The following CA1 variants were observed in gnomAD, a reference collection of about 807,000 sequenced individuals.
The protein encoded by CA1 is carbonic anhydrase 1, also known as carbonate dehydratase I.
Under a neutral mutation model 28.8 loss-of-function variants are expected in CA1, and 27 were observed. The observed-to-expected ratio is 0.94, with a 90% CI of 0.69 to 1.29. The LOEUF (loss-of-function observed/expected upper bound fraction) is 1.29, where lower values mean the gene tolerates loss of function less well. Among genes scored for constraint, CA1 ranks in the 50% most tolerant of loss-of-function variants. The pLI is 0.00. For synonymous variants in CA1, 121 were observed against 108.8 expected (o/e 1.11, Z -0.70); for missense variants, 335 against 310.5 (o/e 1.08, Z -0.59).
intron 1 of CA1, among the ~76,000 whole-genome samples, chr8:85,358,367 GT>G (rs1247956557): frequency 6.6e-6 from 1 of 152,058 alleles, no homozygotes; most frequent in Non-Finnish European, 1.5e-5. Context: ...CATTATCCCA[GT>G]TTATTTTTTC....
chr8:85,338,601 A>T, intron 2 of CA1, 152 bp from the exon 3 acceptor site: 1 of 671,952 alleles, frequency 1.5e-6, no homozygotes, highest in Non-Finnish European at 2.7e-6. Context: ...CTGTGTTTGA[A>T]GATGTCCCTT....
intron 1 of CA1, among the ~76,000 whole-genome samples, chr8:85,362,703 C>T (rs72682934): frequency 0.027 from 4,043 of 152,026 alleles, 81 homozygotes; most frequent in Non-Finnish European, 0.04. Flanking sequence ...ATACAATGTA[C>T]GAATAGTTTC....
chr8:85,373,225 G>A (rs1439808352), intron 1 of CA1, among the ~76,000 whole-genome samples: 1 of 152,206 alleles, frequency 6.6e-6, no homozygotes, highest in Non-Finnish European at 1.5e-5. Flanking sequence ...CATTAAATGG[G>A]TGGGTGGAAG....
At chr8:85,374,405 CTTA>C (rs1212035490) in intron 1 of CA1, among the ~76,000 whole-genome samples, 2 of 152,042 alleles carry the variant, frequency 1.3e-5, no homozygotes, top group African/African-American at 2.4e-5. Flanking sequence ...TTTGTTTGTT[CTTA>C]TTAATACTGG....
chr8:85,356,265 A>AT, intron 1 of CA1, among the ~76,000 whole-genome samples: 1 of 152,304 alleles, frequency 6.6e-6, no homozygotes, highest in East Asian at 1.9e-4. Context: ...TATCAGCCTC[A>AT]TTGAGCTTCA....
chr8:85,341,884 A>C, intron 1 of CA1: 1 of 412,132 alleles, frequency 2.4e-6, no homozygotes, highest in Non-Finnish European at 4.3e-6. Flanking sequence ...ATATTGTAAA[A>C]GAGAATTATC....
intron 1 of CA1, among the ~76,000 whole-genome samples, chr8:85,356,051 G>A (rs1235932258): frequency 6.6e-6 from 1 of 152,168 alleles, no homozygotes; most frequent in Non-Finnish European, 1.5e-5. Context: ...CCATGTCAGG[G>A]TGGCAGTGTT....
chr8:85,352,927 C>G (rs1361827384), intron 1 of CA1, among the ~76,000 whole-genome samples: 4 of 152,122 alleles, frequency 2.6e-5, no homozygotes, highest in Admixed American at 2.6e-4. Context: ...TTACACCATC[C>G]TATTCCATGA....
At chr8:85,372,847 C>T (rs1038085484) in intron 1 of CA1, among the ~76,000 whole-genome samples, 3 of 152,152 alleles carry the variant, frequency 2.0e-5, no homozygotes, top group African/African-American at 7.2e-5. Context: ...CTGCCCTCCC[C>T]TTAGTCACTT....
rs1309407588 is a variant in CA1 at position 85,329,682 on chromosome 8, A to ACTCT, written c.669+3_669+6dup. On this transcript the variant is annotated splice_region_variant and intron_variant, in intron 7 of 7. Transcript: ENST00000523022. ...CATTCCCAGTTCCCATTCATTCACA[A>ACTCT]CTCTACCTGCTCTGAGCTGACACTG... 1.1e-5 allele frequency: 17 copies of ACTCT among 1,608,850 alleles called. No homozygotes were observed. The highest frequency in any genetic ancestry group is 1.4e-5 in the Non-Finnish European group (17 of 1,176,810).
rs74427886 is a variant in CA1 at position 85,328,752 on chromosome 8, G to A, written c.670-76C>T. The stretch of plus-strand genomic sequence containing the variant: ...GCGTTTTATTTACAGGATTACTAAC[G>A]CACTGATATTTAGAAAACTGAGTTA... On this transcript the variant is annotated intron_variant, in intron 7 of 7. Transcript: ENST00000523022. 6,526 of 836,806 alleles carry A rather than the reference G, an allele frequency of 7.8e-3. 308 individuals carry two copies. The African/African-American group carries it at 0.099, about 13-fold the overall frequency. 51.8% of individuals were successfully genotyped at this position (836,806 alleles called of 1,614,324 possible).
In CA1 at chr8:85,333,558, A is replaced by C; in HGVS notation, c.417T>G (p.Ala139=). 6.2e-7 allele frequency: 1 copy of C among 1,612,942 alleles called. No individual in the cohort carries two copies. Among genetic ancestry groups the C allele is most frequent in the South Asian group, 1.1e-5 (1 of 91,060 alleles). Residue 139 remains alanine (A), a synonymous_variant, in exon 5 of 8, where the codon GCT becomes GCG. Transcript: ENST00000523022. ...AAACACCAATAACTGCCAAACCATC[A>C]GCCTTTGAGGCAGCTTCAGCAAGGC... ...YSSLAEAASK[A]DGLAVIGVLM... is the part of the protein sequence containing the mutation.
chr8:85,346,177 T>C (rs1809176279), intron 1 of CA1, among the ~76,000 whole-genome samples: 1 of 152,202 alleles, frequency 6.6e-6, no homozygotes, highest in South Asian at 2.1e-4. Flanking sequence ...GTATATCTCA[T>C]TGACTGTCAT....
chr8:85,360,931 C>A (rs975848951), intron 1 of CA1, among the ~76,000 whole-genome samples: 1 of 152,206 alleles, frequency 6.6e-6, no homozygotes, highest in Admixed American at 6.5e-5. Flanking sequence ...ATCACCATTT[C>A]TCTCTTGCAG....
At chr8:85,359,740 T>A (rs1352782242) in intron 1 of CA1, among the ~76,000 whole-genome samples, 1 of 152,232 alleles carries the variant, frequency 6.6e-6, no homozygotes, top group Non-Finnish European at 1.5e-5. Flanking sequence ...CACATATTGT[T>A]GATAACTTGG....
At chr8:85,347,242 T>C (rs139369836) in intron 1 of CA1, among the ~76,000 whole-genome samples, 194 of 152,360 alleles carry the variant, frequency 1.3e-3, no homozygotes, top group African/African-American at 4.1e-3. Context: ...AATCACCTGC[T>C]TCAGTGTCAC....
intron 1 of CA1, among the ~76,000 whole-genome samples, chr8:85,367,873 C>T (rs1238099094): frequency 2.0e-5 from 3 of 151,982 alleles, no homozygotes; most frequent in Non-Finnish European, 2.9e-5. Flanking sequence ...AGTAAGACTA[C>T]GACTAAGCTA....
At chr8:85,353,041 AGGG>A (rs1013357154) in intron 1 of CA1, among the ~76,000 whole-genome samples, 1 of 152,196 alleles carries the variant, frequency 6.6e-6, no homozygotes, top group Non-Finnish European at 1.5e-5. Context: ...CAAGTCCCAG[AGGG>A]GAGAGTACAG....
intron 1 of CA1, among the ~76,000 whole-genome samples, chr8:85,364,203 C>T (rs557834374): frequency 3.3e-5 from 5 of 152,278 alleles, no homozygotes; most frequent in Non-Finnish European, 7.3e-5. Context: ...ATGTGCTGCT[C>T]TTTAATGTGA....
Sources: allele counts gnomAD v4.1 joint callset (sites outside exome capture counted in the v4.1 genomes callset), GRCh38; gene constraint gnomAD v4.1.1; transcripts MANE v1.5; gene names NCBI Gene and HGNC (gene_info 2026-07-23, HGNC 2026-07-21).